The following FARSB variants were observed in gnomAD, a reference collection of about 807,000 sequenced individuals.
FARSB encodes phenylalanyl-tRNA synthetase subunit beta, also known as phenylalanine--tRNA ligase beta subunit.
Under a neutral mutation model 69.6 loss-of-function variants are expected in FARSB, and 40 were observed. That is an observed-to-expected ratio of 0.57 (90% CI 0.45 to 0.75). The LOEUF (loss-of-function observed/expected upper bound fraction) is 0.75. FARSB is among the 30% of genes least tolerant of loss of function. The probability of loss-of-function intolerance (pLI) is 0.00; values close to 1 mark genes in which losing one functional copy is unlikely to be tolerated. For synonymous variants in FARSB, 235 were observed against 247.2 expected, an observed-to-expected ratio of 0.95 and a Z score of 0.46; for missense variants, 632 against 722.9, an observed-to-expected ratio of 0.87 and a Z score of 1.44.
intron 1 of FARSB, among the ~76,000 whole-genome samples, chr2:222,654,339 T>G (rs1490212814): frequency 1.3e-5 from 2 of 152,222 alleles, no homozygotes; most frequent in Non-Finnish European, 2.9e-5. Context: ...AAAAAAATTA[T>G]TTAAAGTATT....
At chr2:222,604,612 G>A (rs1172812059) in intron 15 of FARSB, among the ~76,000 whole-genome samples, 1 of 152,040 alleles carries the variant, frequency 6.6e-6, no homozygotes, top group Non-Finnish European at 1.5e-5. Flanking sequence ...CTGGAGTGCA[G>A]CAGCATGATC....
At chr2:222,634,290 T>G in intron 6 of FARSB, 101 bp downstream of exon 6, 1 of 809,954 alleles carries the variant, frequency 1.2e-6, no homozygotes, top group East Asian at 2.6e-5. Context: ...ACACTGCTAT[T>G]TTTTAAAAGT....
intron 6 of FARSB, among the ~76,000 whole-genome samples, chr2:222,634,109 A>C (rs1691513496): frequency 6.6e-6 from 1 of 152,244 alleles, no homozygotes; most frequent in Non-Finnish European, 1.5e-5. Flanking sequence ...TTATACTTGC[A>C]TGAGTTTCAA....
intron 7 of FARSB, among the ~76,000 whole-genome samples, chr2:222,632,090 C>T (rs1321672298): frequency 6.6e-6 from 1 of 151,914 alleles, no homozygotes; most frequent in Non-Finnish European, 1.5e-5. Flanking sequence ...TGTGCCATTG[C>T]ACTCCAGCCT....
At chr2:222,580,638 A>C (rs183678691) in intron 16 of FARSB, among the ~76,000 whole-genome samples, 63 of 152,352 alleles carry the variant, frequency 4.1e-4, no homozygotes, top group African/African-American at 1.3e-3. Flanking sequence ...CATCTTGTAC[A>C]ACACCAATAA....
Position 222,634,533 on chromosome 2 carries a change from G to A in FARSB, c.464C>T (p.Ala155Val), listed in dbSNP as rs202165646. 6.8e-6 allele frequency: 11 copies of A among 1,611,132 alleles called. No individual in the cohort carries two copies. The highest frequency in any genetic ancestry group is 8.5e-6 in the Non-Finnish European group (10 of 1,178,652). ...ATCATGGGTACCAATGGCAACCAGT[G>A]CTCTTTTCCTAATTGTTGAGAGGTT... The part of the protein sequence containing the change: ...KLHQNICRKR[A>V]LVAIGTHDLD... The change falls in exon 6 of 17, where the codon GCA (alanine) becomes GTA (valine). Residue 155 changes from alanine to valine, a missense_variant. Transcript: ENST00000281828.
rs1217509731 is a variant in FARSB at position 222,567,579 on chromosome 2, T to C, written c.*4292A>G. ...GGCTGGCTGGTTTGTAGTAGATTAC[T>C]CCTGTTTAAAATGTGAGAACAGTCA... is the stretch of plus-strand genomic sequence containing the variant. On this transcript the variant is annotated 3_prime_UTR_variant, in exon 17 of 17. Coordinates refer to ENST00000281828, the MANE Select transcript of FARSB (RefSeq NM_005687.5). The C allele has an allele frequency of 6.6e-6, 1 of 152,240 alleles. No homozygotes were observed. The highest frequency in any genetic ancestry group is 1.5e-5 in the Non-Finnish European group (1 of 68,054). The allele number at this position is 152,240 out of a possible 1,614,324, so 9.4% of individuals were successfully genotyped here. A position where few individuals can be genotyped will look rare whatever the true frequency, so the allele number is the denominator to read the frequency against.
In FARSB at chr2:222,639,613, T is replaced by A; in HGVS notation, c.422A>T (p.Glu141Val). The A allele has an allele frequency of 6.3e-7, 1 of 1,589,898 alleles. No individual in the cohort carries two copies. Among genetic ancestry groups the A allele is most frequent in the East Asian group, 2.3e-5 (1 of 44,090 alleles). ...FTKDRYDSFI[E>V]LQEKLHQNIC... ...ATTCTGATGTAATTTCTCCTGAAGT[T>A]CAATGAAGCTGTCATATCGATCTTT... is the stretch of plus-strand genomic sequence containing the variant. Residue 141 changes from glutamate (E) to valine (V), a missense_variant, in exon 5 of 17, where the codon GAA becomes GTA. Transcript: ENST00000281828.
intron 10 of FARSB, 108 bp from the exon 11 acceptor site, chr2:222,624,883 AT>A: frequency 1.6e-6 from 1 of 641,968 alleles, no homozygotes; most frequent in Admixed American, 3.2e-5. Context: ...AGAAATTGTC[AT>A]TAGAGCCACA....
intron 14 of FARSB, among the ~76,000 whole-genome samples, chr2:222,614,797 C>T (rs1690954168): frequency 6.6e-6 from 1 of 152,118 alleles, no homozygotes; most frequent in Non-Finnish European, 1.5e-5. Flanking sequence ...TATAATCATA[C>T]CACTGCTCTC....
chr2:222,591,216 A>AT (rs1690265126), intron 16 of FARSB, among the ~76,000 whole-genome samples: 1 of 151,754 alleles, frequency 6.6e-6, no homozygotes, highest in Non-Finnish European at 1.5e-5. Flanking sequence ...TCTCTTAAAA[A>AT]AAAAAAAAAG....
intron 2 of FARSB, among the ~76,000 whole-genome samples, chr2:222,645,637 A>T (rs1691833053): frequency 6.6e-6 from 1 of 151,830 alleles, no homozygotes; most frequent in South Asian, 2.1e-4. Context: ...TTGAGAAAAA[A>T]ATTGGGCTTT....
At chr2:222,622,693 A>G in intron 13 of FARSB, among the ~76,000 whole-genome samples, 1 of 152,174 alleles carries the variant, frequency 6.6e-6, no homozygotes, top group East Asian at 1.9e-4. Flanking sequence ...CTAGGAGGCT[A>G]AAGGTCAGGA....
rs1291608661 is a variant in FARSB, at chr2:222,623,665, T to G, written c.1236A>C (p.Ala412=). 1 of 1,602,330 alleles carries G rather than the reference T, an allele frequency of 6.2e-7. No individual in the cohort carries two copies. The highest frequency in any genetic ancestry group is 8.6e-7 in the Non-Finnish European group (1 of 1,169,326). Residue 412 remains alanine (A), a synonymous_variant, in exon 13 of 17, where the codon GCA becomes GCC. Transcript: ENST00000281828. ...HDMAAAGFTE[A]LTFALCSQED... Reference sequence around the variant, plus strand: ...TAAGACATACCAGGGCAAAGGTAAGTGCTTCAGTGAAGCCAGCGGCTGCCA... The same window carrying G: ...TAAGACATACCAGGGCAAAGGTAAGGGCTTCAGTGAAGCCAGCGGCTGCCA...
intron 8 of FARSB, among the ~76,000 whole-genome samples, chr2:222,630,948 T>C (rs1364933899): frequency 6.6e-6 from 1 of 152,228 alleles, no homozygotes; most frequent in Non-Finnish European, 1.5e-5. Flanking sequence ...ATTTGCCCTA[T>C]TTCTATACTC....
intron 14 of FARSB, among the ~76,000 whole-genome samples, chr2:222,616,795 A>G (rs1277580870): frequency 1.3e-5 from 2 of 152,192 alleles, no homozygotes; most frequent in African/African-American, 4.8e-5. Flanking sequence ...GAAAGGATTT[A>G]GACAAGAAAC....
intron 2 of FARSB, among the ~76,000 whole-genome samples, chr2:222,643,425 A>G (rs1296984144): frequency 2.0e-5 from 3 of 152,260 alleles, no homozygotes; most frequent in African/African-American, 7.2e-5. Context: ...TATAGAGCCA[A>G]AAAGCCTAAA....
intron 2 of FARSB, among the ~76,000 whole-genome samples, chr2:222,643,332 T>G (rs1171105953): frequency 2.6e-5 from 4 of 152,142 alleles, no homozygotes; most frequent in African/African-American, 7.2e-5. Flanking sequence ...AAATAAAGAT[T>G]TATTGGAACA....
intron 13 of FARSB, among the ~76,000 whole-genome samples, chr2:222,620,594 C>G (rs1691111591): frequency 6.6e-6 from 1 of 152,170 alleles, no homozygotes; most frequent in South Asian, 2.1e-4. Context: ...AGTATGGTGC[C>G]TGGCACAGAG....
Sources: allele counts gnomAD v4.1 joint callset (sites outside exome capture counted in the v4.1 genomes callset), GRCh38; gene constraint gnomAD v4.1.1; transcripts MANE v1.5; gene names NCBI Gene and HGNC (gene_info 2026-07-23, HGNC 2026-07-21).